Variants in TRPM3 observed in about 807,000 individuals in gnomAD.
The protein encoded by TRPM3 is long transient receptor potential channel 3.
In TRPM3, 77 loss-of-function variants were observed where a neutral mutation model predicts 181.2. The ratio of observed to expected loss-of-function variants is 0.42; its 90% CI spans 0.35 to 0.51. The LOEUF is 0.51. TRPM3 is among the 20% of genes least tolerant of loss of function. The pLI, the probability that TRPM3 is intolerant of heterozygous loss-of-function variation, is 0.01. For synonymous variants in TRPM3, 745 were observed against 796.4 expected (o/e 0.94, Z 1.09); for missense variants, 1,759 against 2,196.7 (o/e 0.80, Z 3.98).
chr9:71,430,316 T>C (rs1450796332), intron 1 of TRPM3, among the ~76,000 whole-genome samples: 3 of 152,180 alleles, frequency 2.0e-5, no homozygotes, highest in Admixed American at 2.0e-4. Context: ...TCCCTCCTCT[T>C]CTCATAACAA....
intron 1 of TRPM3, among the ~76,000 whole-genome samples, chr9:71,359,804 C>T (rs2092067108): frequency 6.6e-6 from 1 of 152,064 alleles, no homozygotes; most frequent in Non-Finnish European, 1.5e-5. Flanking sequence ...TACTTAAGCT[C>T]TCTGTCAATC....
intron 1 of TRPM3, among the ~76,000 whole-genome samples, chr9:71,345,926 T>G (rs750037329): frequency 6.6e-6 from 1 of 152,224 alleles, no homozygotes; most frequent in Non-Finnish European, 1.5e-5. Flanking sequence ...TTGGCAGATG[T>G]GGACCAACTG....
At position 71,130,787 on chromosome 9, in the gene TRPM3, G is replaced by A. The variant is rs182172883; in HGVS notation, c.184-266276C>T. On this transcript the variant is annotated intron_variant, in intron 1 of 24. Coordinates refer to the TRPM3 transcript ENST00000357533. The stretch of plus-strand genomic sequence containing the variant: ...TGGGAAGCCTTCCTCAATAAGGAAG[G>A]AGAGAGATGATAATAGAGAAAGAAT... Among the ~76,000 whole-genome samples the A allele has an allele frequency of 3.5e-3, 526 of 152,264 alleles. 3 individuals carry two copies. Among genetic ancestry groups the A allele is most frequent in the Non-Finnish European group, 5.4e-3 (369 of 68,016 alleles).
At chr9:71,362,152 A>G (rs550782994) in intron 1 of TRPM3, among the ~76,000 whole-genome samples, 67 of 152,352 alleles carry the variant, frequency 4.4e-4, no homozygotes, top group Non-Finnish European at 8.1e-4. Flanking sequence ...CACTTCACAT[A>G]TATGAAGGGA....
At chr9:71,345,125 C>G (rs1385524976) in intron 1 of TRPM3, among the ~76,000 whole-genome samples, 1 of 152,152 alleles carries the variant, frequency 6.6e-6, no homozygotes, top group Non-Finnish European at 1.5e-5. Flanking sequence ...AATAGAAATG[C>G]TTTTACACTG....
chr9:70,881,672 A>G (rs1180410099), intron 1 of TRPM3, among the ~76,000 whole-genome samples: 1 of 152,212 alleles, frequency 6.6e-6, no homozygotes, highest in African/African-American at 2.4e-5. Context: ...AAGACTTAGC[A>G]GAATAATTAC....
At chr9:71,334,606 G>C (rs1167511063) in intron 1 of TRPM3, among the ~76,000 whole-genome samples, 2 of 151,900 alleles carry the variant, frequency 1.3e-5, no homozygotes, top group East Asian at 3.9e-4. Flanking sequence ...TCTATCTCTG[G>C]CCACATCCCT....
chr9:70,536,028 G>A lies in TRPM3; in HGVS notation c.5085C>T (p.Gly1695=). The change falls in exon 26 of 26, where the codon GGC becomes GGT. Residue 1695 remains glycine, a synonymous_variant. Transcript: ENST00000677713. The part of the protein sequence containing the change: ...FQRSKSSKPE[G]RGDSLSMRRL... ...TCCTCATGGACAGGCTGTCCCCTCG[G>A]CCCTCCGGCTTGGAGGACTTGCTTC... 1.2e-6 allele frequency: 2 copies of A among 1,614,136 alleles called. No individual in the cohort carries two copies. Among genetic ancestry groups the A allele is most frequent in the East Asian group, 2.2e-5 (1 of 44,872 alleles).
At chr9:71,306,988 C>T (rs2087408145) in intron 1 of TRPM3, among the ~76,000 whole-genome samples, 1 of 152,246 alleles carries the variant, frequency 6.6e-6, no homozygotes, top group Non-Finnish European at 1.5e-5. Context: ...CAAAACTTAA[C>T]ACTTCATAGA....
intron 1 of TRPM3, among the ~76,000 whole-genome samples, chr9:71,091,433 G>T (rs767707544): frequency 5.9e-5 from 9 of 152,024 alleles, no homozygotes; most frequent in Non-Finnish European, 1.0e-4. Flanking sequence ...AGGGGTCAGG[G>T]CACTGCCTAC....
At chr9:70,655,261 A>T (rs536710703) in intron 9 of TRPM3, among the ~76,000 whole-genome samples, 45 of 133,304 alleles carry the variant, frequency 3.4e-4, no homozygotes, top group African/African-American at 1.2e-3. Context: ...AGCTGAGATC[A>T]TGCCCCTAAA....
chr9:70,828,920 T>C (rs1263116968), intron 5 of TRPM3, among the ~76,000 whole-genome samples: 4 of 152,142 alleles, frequency 2.6e-5, no homozygotes, highest in African/African-American at 9.7e-5. Context: ...TTCCAAAATC[T>C]ATGCTTATTT....
At chr9:71,287,978 T>C (rs943495507) in intron 1 of TRPM3, among the ~76,000 whole-genome samples, 6 of 152,090 alleles carry the variant, frequency 3.9e-5, no homozygotes, top group Admixed American at 6.6e-5. Flanking sequence ...CTTAAACTTC[T>C]AGAGGGCAGC....
At chr9:70,652,049 C>T (rs939066597) in intron 9 of TRPM3, among the ~76,000 whole-genome samples, 2 of 151,946 alleles carry the variant, frequency 1.3e-5, no homozygotes, top group South Asian at 4.2e-4. Context: ...ATGAATAGAT[C>T]GACATGGGGT....
intron 1 of TRPM3, among the ~76,000 whole-genome samples, chr9:71,414,471 C>T (rs1222570174): frequency 6.6e-6 from 1 of 151,996 alleles, no homozygotes; most frequent in Non-Finnish European, 1.5e-5. Flanking sequence ...AAATGAAATG[C>T]CATTATTCTC....
chr9:71,432,151 A>G (rs2093964321), intron 1 of TRPM3, among the ~76,000 whole-genome samples: 1 of 152,158 alleles, frequency 6.6e-6, no homozygotes, highest in Admixed American at 6.6e-5. Flanking sequence ...TATCCTGTGA[A>G]TTACCTCACT....
chr9:71,071,556 A>G (rs1441629730), intron 1 of TRPM3, among the ~76,000 whole-genome samples: 1 of 152,228 alleles, frequency 6.6e-6, no homozygotes, highest in Non-Finnish European at 1.5e-5. Flanking sequence ...CAAGAAATTT[A>G]CAACAGGGAA....
chr9:71,285,269 G>A (rs1248018326), intron 1 of TRPM3, among the ~76,000 whole-genome samples: 1 of 152,178 alleles, frequency 6.6e-6, no homozygotes, highest in Non-Finnish European at 1.5e-5. Flanking sequence ...CTGACGGTTA[G>A]AAATAATTAA....
intron 1 of TRPM3, among the ~76,000 whole-genome samples, chr9:71,227,014 C>T (rs1344848373): frequency 6.9e-6 from 1 of 145,502 alleles, no homozygotes; most frequent in Non-Finnish European, 1.5e-5. Flanking sequence ...GACACTGAGG[C>T]AGGAGAATTG....
Sources: allele counts gnomAD v4.1 joint callset (sites outside exome capture counted in the v4.1 genomes callset), GRCh38; gene constraint gnomAD v4.1.1; transcripts MANE v1.5; gene names NCBI Gene and HGNC (gene_info 2026-07-23, HGNC 2026-07-21).